Variants in MGAT4D observed in about 807,000 individuals in gnomAD.
MGAT4D encodes MGAT4 family member D.
A neutral mutation model predicts 15.9 loss-of-function variants in MGAT4D; 34 were observed. That is an observed-to-expected ratio of 2.14 (90% CI 1.62 to 2.84). The LOEUF is 2.84. Among genes scored for constraint, MGAT4D ranks in the 30% most tolerant of loss-of-function variants. MGAT4D has a pLI of 0.00. For synonymous variants in MGAT4D, 112 were observed against 48.2 expected (o/e 2.33, Z -5.49); for missense variants, 327 against 140.2 (o/e 2.33, Z -6.73).
At chr4:140,465,594 C>T (rs749338528) in intron 5 of MGAT4D, among the ~76,000 whole-genome samples, 1 of 152,098 alleles carries the variant, frequency 6.6e-6, no homozygotes, top group Non-Finnish European at 1.5e-5. Context: ...CTTGTACCAT[C>T]AAGGTAAAGG....
At chr4:140,494,558 C>T (rs1733711760) in intron 1 of MGAT4D, among the ~76,000 whole-genome samples, 1 of 152,124 alleles carries the variant, frequency 6.6e-6, no homozygotes, top group East Asian at 1.9e-4. Context: ...CTGATATATC[C>T]AACTGCCTAT....
intron 5 of MGAT4D, among the ~76,000 whole-genome samples, chr4:140,468,328 C>T (rs1731684651): frequency 6.6e-6 from 1 of 152,108 alleles, no homozygotes; most frequent in Non-Finnish European, 1.5e-5. Context: ...GTGACATTGT[C>T]TCTGAAAATT....
Position 140,442,828 on chromosome 4 carries a change from C to T in MGAT4D, c.*608G>A, listed in dbSNP as rs1014893816. Reference sequence around the variant, plus strand: ...AACCAATATATTTGGGAAAAAAACTCCCAAATAATCTGTGTGTTAAGAAGG... The same window carrying T: ...AACCAATATATTTGGGAAAAAAACTTCCAAATAATCTGTGTGTTAAGAAGG... On this transcript the variant is annotated 3_prime_UTR_variant, in exon 11 of 11. Transcript: ENST00000511113. 1 of 96,746 alleles carries T rather than the reference C, an allele frequency of 1.0e-5. No homozygotes were observed. Among genetic ancestry groups the T allele is most frequent in the Non-Finnish European group, 2.8e-5 (1 of 35,420 alleles). The allele number at this position is 96,746 out of a possible 1,614,324, so 6.0% of individuals were successfully genotyped here.
intron 1 of MGAT4D, among the ~76,000 whole-genome samples, chr4:140,486,849 T>C (rs1376853989): frequency 6.6e-6 from 1 of 152,182 alleles, no homozygotes; most frequent in Non-Finnish European, 1.5e-5. Flanking sequence ...GTAGATACTA[T>C]TTGAAGATGC....
intron 8 of MGAT4D, chr4:140,457,763 T>C (rs1730905565): frequency 6.6e-6 from 1 of 152,144 alleles, no homozygotes; most frequent in Non-Finnish European, 1.5e-5. Context: ...GAAAGATAAA[T>C]TTTTTTGAGA....
intron 1 of MGAT4D, among the ~76,000 whole-genome samples, chr4:140,482,986 A>T (rs1732847137): frequency 6.6e-6 from 1 of 152,198 alleles, no homozygotes; most frequent in Admixed American, 6.5e-5. Context: ...ACAGTAGGAC[A>T]TTTGCTAAAT....
At chr4:140,492,080 T>C (rs981688896) in intron 1 of MGAT4D, among the ~76,000 whole-genome samples, 5 of 152,172 alleles carry the variant, frequency 3.3e-5, no homozygotes, top group Admixed American at 6.5e-5. Flanking sequence ...CAGTACTAGC[T>C]TGGGGTACAG....
intron 3 of MGAT4D, among the ~76,000 whole-genome samples, chr4:140,475,914 C>T (rs186571008): frequency 2.7e-5 from 4 of 149,002 alleles, no homozygotes; most frequent in African/African-American, 9.9e-5. Context: ...CGGGTTCAAG[C>T]TATTCTCCTG....
At chr4:140,474,404 A>C (rs1451592517) in intron 4 of MGAT4D, among the ~76,000 whole-genome samples, 1 of 152,226 alleles carries the variant, frequency 6.6e-6, no homozygotes, top group Non-Finnish European at 1.5e-5. Flanking sequence ...GTTGTTGCTT[A>C]ATACAAATTA....
chr4:140,447,471 C>CT, intron 10 of MGAT4D, among the ~76,000 whole-genome samples: 1 of 152,008 alleles, frequency 6.6e-6, no homozygotes, highest in Non-Finnish European at 1.5e-5. Flanking sequence ...CCTTCTTTGT[C>CT]TTTTTTGATG....
rs1485573115 is a variant in MGAT4D at position 140,479,506 on chromosome 4, GC to G, written c.374del (p.Gly125AlafsTer24). 1 of 502,046 alleles carries G rather than the reference GC, an allele frequency of 2.0e-6. No individual in the cohort carries two copies. Among genetic ancestry groups the G allele is most frequent in the Admixed American group, 3.9e-5 (1 of 25,342 alleles). 31.1% of individuals were successfully genotyped at this position (502,046 alleles called of 1,614,324 possible). ...TTTTCTTACCACCAGTTTTCCCTTT[GC>G]CAATGATTACATCAGGATAAATTCT... ...EGRIYPDVII[G>X]KGKTGVSFAL... On this transcript the variant is annotated frameshift_variant, in exon 3 of 11. Transcript: ENST00000511113. LOFTEE classifies it high-confidence loss of function.
chr4:140,459,364 C>T (rs1437001507), intron 8 of MGAT4D, 148 bp downstream of exon 8: 2 of 327,448 alleles, frequency 6.1e-6, no homozygotes, highest in Non-Finnish European at 1.1e-5. Flanking sequence ...GTACTTGCAT[C>T]TGATTATACT....
chr4:140,467,481 AG>A (rs1731617347), intron 5 of MGAT4D, among the ~76,000 whole-genome samples: 1 of 152,132 alleles, frequency 6.6e-6, no homozygotes, highest in African/African-American at 2.4e-5. Flanking sequence ...AAGTCCAAAA[AG>A]CACCAAAAGT....
At chr4:140,481,991 A>C (rs933561403) in intron 2 of MGAT4D, among the ~76,000 whole-genome samples, 2 of 152,188 alleles carry the variant, frequency 1.3e-5, no homozygotes, top group East Asian at 3.8e-4. Flanking sequence ...AGATATATAG[A>C]ATGGTGAATC....
intron 4 of MGAT4D, among the ~76,000 whole-genome samples, chr4:140,474,256 C>A (rs1186951209): frequency 6.6e-6 from 1 of 152,120 alleles, no homozygotes; most frequent in Non-Finnish European, 1.5e-5. Flanking sequence ...AAGTTACTTA[C>A]CTTCTGTAAG....
At chr4:140,469,668 T>A (rs1358732682) in intron 5 of MGAT4D, among the ~76,000 whole-genome samples, 1 of 152,234 alleles carries the variant, frequency 6.6e-6, no homozygotes, top group East Asian at 1.9e-4. Context: ...TTGATTGTTT[T>A]GCCCCAGATG....
intron 10 of MGAT4D, among the ~76,000 whole-genome samples, chr4:140,446,842 G>A (rs1730167706): frequency 7.8e-6 from 1 of 128,470 alleles, no homozygotes; most frequent in African/African-American, 2.9e-5. Flanking sequence ...TGGGTATATA[G>A]TGTTATAAAT....
intron 3 of MGAT4D, among the ~76,000 whole-genome samples, chr4:140,475,267 T>A (rs1732236328): frequency 1.3e-5 from 2 of 152,144 alleles, no homozygotes; most frequent in African/African-American, 4.8e-5. Context: ...GTATAAAATG[T>A]CACATATTGG....
intron 1 of MGAT4D, among the ~76,000 whole-genome samples, chr4:140,483,477 A>T (rs1007675480): frequency 1.3e-5 from 2 of 152,198 alleles, no homozygotes; most frequent in African/African-American, 2.4e-5. Context: ...ATCCTTAAAA[A>T]AATCCAATTA....
Sources: gnomAD v4.1 joint callset for allele counts (sites outside exome capture counted in the v4.1 genomes callset) on GRCh38, gnomAD v4.1.1 for gene constraint, MANE v1.5 for transcripts, NCBI Gene and HGNC (gene_info 2026-07-23, HGNC 2026-07-21) for gene names.